Variants in PAX4 observed in about 807,000 individuals in gnomAD.
PAX4 encodes paired box protein Pax-4.
PAX4 carries 33 observed loss-of-function variants against 40.6 expected under a neutral mutation model. The observed-to-expected ratio is 0.81, with a 90% confidence interval of 0.62 to 1.09. The LOEUF (loss-of-function observed/expected upper bound fraction) is 1.09. PAX4 is among the 50% of genes least tolerant of loss of function. The probability of loss-of-function intolerance (pLI) is 0.00; values close to 1 mark genes in which losing one functional copy is unlikely to be tolerated. For synonymous variants in PAX4, 174 were observed against 170.6 expected, an observed-to-expected ratio of 1.02 and a Z score of -0.16; for missense variants, 459 against 442.5, an observed-to-expected ratio of 1.04 and a Z score of -0.33.
chr7:127,612,144 T>C, intron 9 of PAX4, 144 bp from the exon 10 acceptor site: 2 of 772,350 alleles, frequency 2.6e-6, no homozygotes, highest in Non-Finnish European at 4.4e-6. Context: ...ATGGATATTT[T>C]AACCCAAAAC....
In PAX4 at chr7:127,615,524, G is replaced by T; in HGVS notation, c.21C>A (p.Ser7Arg). Residue 7 changes from serine (S) to arginine (R), a missense_variant, in exon 4 of 12, where the codon AGC becomes AGA. Ser to Arg is a moderately radical substitution (Grantham distance 110). Coordinates refer to ENST00000639438, the MANE Select transcript of PAX4 (RefSeq NM_001366110.1). ...AGAGCCCCCCAAGCTGGTTCATGCTGCTGATCCCTGGGCGTGAGACAGAGG... is the reference window on the plus strand; with the variant it reads ...AGAGCCCCCCAAGCTGGTTCATGCTTCTGATCCCTGGGCGTGAGACAGAGG... MHQDGI[S>R]SMNQLGGLFV... is the part of the protein sequence containing the mutation. The T allele has an allele frequency of 6.2e-7, 1 of 1,614,036 alleles. No homozygotes were observed. Among genetic ancestry groups the T allele is most frequent in the South Asian group, 1.1e-5 (1 of 91,080 alleles).
rs954807196 is a variant in PAX4 at position 127,611,271 on chromosome 7, G to A, written c.914-65C>T. On this transcript the variant is annotated intron_variant, in intron 11 of 11. Coordinates refer to ENST00000639438, the MANE Select transcript of PAX4 (RefSeq NM_001366110.1). ...CACCCCACCTCTCAAAGTCACTATGGGAGAGAGGCTGAGACATCAGTTTCC... is the reference window on the plus strand; with the variant it reads ...CACCCCACCTCTCAAAGTCACTATGAGAGAGAGGCTGAGACATCAGTTTCC... 5 of 1,440,986 alleles carry A rather than the reference G, an allele frequency of 3.5e-6. No homozygotes were observed. The African/African-American group carries it at 5.6e-5, about 16-fold the overall frequency. The allele number at this position is 1,440,986 out of a possible 1,614,324, so 89.3% of individuals were successfully genotyped here.
At chr7:127,613,388 A>T in intron 8 of PAX4, 62 bp downstream of exon 8, 2 of 1,533,098 alleles carry the variant, frequency 1.3e-6, no homozygotes, top group East Asian at 4.5e-5. Flanking sequence ...TGGAACCCAA[A>T]GCCCTGGCCG....
Position 127,610,662 on chromosome 7 carries a change from A to G in PAX4, c.*402T>C, listed in dbSNP as rs327519. 0.029 allele frequency: 17,043 copies of G among 596,872 alleles called. 1,570 individuals are homozygous for G. Among genetic ancestry groups the G allele is most frequent in the African/African-American group, 0.23 (12,419 of 53,850 alleles). 37.0% of individuals were successfully genotyped at this position (596,872 alleles called of 1,614,324 possible). A position where few individuals can be genotyped will look rare whatever the true frequency, so the allele number is the denominator to read the frequency against. The stretch of plus-strand genomic sequence containing the variant: ...ATTGACAAATACATTGTTTAGATAC[A>G]TGTATTGCCTACATACATGCATAGA... On this transcript the variant is annotated 3_prime_UTR_variant, in exon 12 of 12. Coordinates refer to ENST00000639438, the MANE Select transcript of PAX4 (RefSeq NM_001366110.1).
chr7:127,613,450 C>T lies in PAX4; in HGVS notation c.645G>A (p.Arg215=). 6.2e-7 allele frequency: 1 copy of T among 1,614,006 alleles called. No homozygotes were observed. The highest frequency in any genetic ancestry group is 1.1e-5 in the South Asian group (1 of 91,078). ...GTACAGTGTTGCAGAGCTCACTCACCCTCACCGTGTCCTCAGGCAGAGAGG... is the reference window on the plus strand; with the variant it reads ...GTACAGTGTTGCAGAGCTCACTCACTCTCACCGTGTCCTCAGGCAGAGAGG... ...TATSLPEDTV[R]VWFSNRRAKW... The change falls in exon 8 of 12, where the codon AGG becomes AGA. Residue 215 remains arginine (R), a splice_region_variant and synonymous_variant. Transcript: ENST00000639438.
chr7:127,616,223 C>A (rs327515), intron 2 of PAX4, among the ~76,000 whole-genome samples, 196 bp from the exon 3 acceptor site: 7,849 of 152,214 alleles, frequency 0.052, 584 homozygotes, highest in African/African-American at 0.16. Context: ...CTGGATCTTT[C>A]TTGAAGTCCT....
At chr7:127,611,262 G>A in intron 11 of PAX4, 56 bp from the exon 12 acceptor site, 1 of 1,473,614 alleles carries the variant, frequency 6.8e-7, no homozygotes, top group South Asian at 1.2e-5. Flanking sequence ...ACCTCTCAAA[G>A]TCACTATGGG....
Position 127,615,480 on chromosome 7 carries a change from AG to A in PAX4, c.64del (p.Leu22CysfsTer12). 1.2e-6 allele frequency: 2 copies of A among 1,614,196 alleles called. No individual in the cohort carries two copies. On this transcript the variant is annotated frameshift_variant, in exon 4 of 12. Transcript: ENST00000639438. LOFTEE classifies it high-confidence loss of function. ...LGGLFVNGRPLPLDTRQQIVR... is the reference protein window; with the variant it reads ...LGGLFVNGRPXPLDTRQQIVR... ...AATCTGCTGCCGGGTATCCAGAGGC[AG>A]GGGCCGGCCATTCACAAAGAGCCCC...
intron 11 of PAX4, among the ~76,000 whole-genome samples, 159 bp from the exon 12 acceptor site, chr7:127,611,365 T>C (rs1296258940): frequency 3.3e-5 from 5 of 152,146 alleles, no homozygotes; most frequent in African/African-American, 1.2e-4. Flanking sequence ...AGTGATACCA[T>C]AGACTCAGGG....
Position 127,612,037 on chromosome 7 carries a change from T to C in PAX4, c.716-37A>G, listed in dbSNP as rs372038294. The C allele has an allele frequency of 6.2e-6, 10 of 1,606,042 alleles. No homozygotes were observed. The Admixed American group carries it at 1.2e-4, about 19-fold the overall frequency. On this transcript the variant is annotated intron_variant, in intron 9 of 11. Transcript: ENST00000639438. The stretch of plus-strand genomic sequence containing the variant: ...GAGTGAATCCACTCAGAAGGAGGAA[T>C]TGGGGTTAGGGACGGGAGGAGTGTG...
At chr7:127,613,197 TG>T in intron 8 of PAX4, 106 bp from the exon 9 acceptor site, 1 of 993,886 alleles carries the variant, frequency 1.0e-6, no homozygotes. Flanking sequence ...GACCCTTCCT[TG>T]GGCCTGACAT....
In PAX4 at chr7:127,614,555, G is replaced by A. The variant is rs1287647998; in HGVS notation, c.363C>T (p.Val121=). The part of the protein sequence containing the change: ...GLCTQDKTPS[V]SSINRVLRAL... ...CCCGCAGGACTCGGTTGATGGAGGAGACCTGGGAGTGTCAGGGTGTTGAGT... is the reference window on the plus strand; with the variant it reads ...CCCGCAGGACTCGGTTGATGGAGGAAACCTGGGAGTGTCAGGGTGTTGAGT... The change falls in exon 6 of 12, where the codon GTC becomes GTT. Residue 121 remains valine (V), a splice_region_variant and synonymous_variant. Coordinates refer to ENST00000639438, the MANE Select transcript of PAX4 (RefSeq NM_001366110.1). 1 of 1,590,076 alleles carries A rather than the reference G, an allele frequency of 6.3e-7. No homozygotes were observed. Among genetic ancestry groups the A allele is most frequent in the South Asian group, 1.1e-5 (1 of 87,148 alleles).
chr7:127,613,496 C>A lies in PAX4; in HGVS notation c.599G>T (p.Arg200Leu). The change falls in exon 8 of 12, where the codon CGT (arginine) becomes CTT (leucine). Residue 200 changes from arginine (R) to leucine (L), a missense_variant. Physicochemically the swap from Arg to Leu is moderately radical, Grantham distance 102. Coordinates refer to ENST00000639438, the MANE Select transcript of PAX4 (RefSeq NM_001366110.1). ...QRGQYPDSVA[R>L]GKLATATSLP... The stretch of plus-strand genomic sequence containing the variant: ...AGAGGTGGCAGTAGCCAGCTTTCCA[C>A]GGGCCACTGAATCAGGATACTGCCC... 1 of 1,614,166 alleles carries A rather than the reference C, an allele frequency of 6.2e-7. No individual in the cohort carries two copies. Among genetic ancestry groups the A allele is most frequent in the Non-Finnish European group, 8.5e-7 (1 of 1,180,024 alleles).
rs1266721124 is a variant in PAX4, at chr7:127,615,941, C to T, written c.-13G>A. ...CGTCCTGATGCATGCTCCAGGCTGA[C>T]CCTCCTCAGAAGGATGAGACTCCAG... is the stretch of plus-strand genomic sequence containing the variant. On this transcript the variant is annotated 5_prime_UTR_variant, in exon 3 of 12. Coordinates refer to ENST00000639438, the MANE Select transcript of PAX4 (RefSeq NM_001366110.1). 5 of 1,535,988 alleles carry T rather than the reference C, an allele frequency of 3.3e-6. No individual in the cohort carries two copies. Among genetic ancestry groups the T allele is most frequent in the Non-Finnish European group, 4.4e-6 (5 of 1,146,928 alleles).
In PAX4 at chr7:127,613,450, C is replaced by G; in HGVS notation, c.645G>C (p.Arg215Ser). Residue 215 changes from arginine to serine, a missense_variant and splice_region_variant, in exon 8 of 12, where the codon AGG becomes AGC. By Grantham distance (110) the Arg-to-Ser change is moderately radical. Coordinates refer to ENST00000639438, the MANE Select transcript of PAX4 (RefSeq NM_001366110.1). ...GTACAGTGTTGCAGAGCTCACTCAC[C>G]CTCACCGTGTCCTCAGGCAGAGAGG... ...TATSLPEDTV[R>S]VWFSNRRAKW... is the part of the protein sequence containing the mutation. 5 of 1,614,006 alleles carry G rather than the reference C, an allele frequency of 3.1e-6. No individual in the cohort carries two copies. The highest frequency in any genetic ancestry group is 3.4e-6 in the Non-Finnish European group (4 of 1,179,870).
At position 127,611,735 on chromosome 7, in the gene PAX4, G is replaced by A. The variant is rs1392488227; in HGVS notation, c.772-59C>T. On this transcript the variant is annotated intron_variant, in intron 10 of 11. Coordinates refer to ENST00000639438, the MANE Select transcript of PAX4 (RefSeq NM_001366110.1). ...TCCAGTGATGCCTCCTGTAGAGAAC[G>A]CCGGGACCCCAGAGCTGCCTGCCAC... The A allele has an allele frequency of 9.4e-6, 15 of 1,603,008 alleles. 1 individual carries two copies. The highest frequency in any genetic ancestry group is 4.4e-5 in the South Asian group (4 of 90,964).
intron 11 of PAX4, 52 bp from the exon 12 acceptor site, chr7:127,611,258 C>A: frequency 6.7e-7 from 1 of 1,494,440 alleles, no homozygotes; most frequent in East Asian, 2.4e-5. Flanking sequence ...CCCCACCTCT[C>A]AAAGTCACTA....
In PAX4 at chr7:127,617,981, T is replaced by A. The variant is rs1213874400; in HGVS notation, c.-245A>T. 6.6e-6 allele frequency: 1 copy of A among 151,904 alleles called. No homozygotes were observed. Among genetic ancestry groups the A allele is most frequent in the African/African-American group, 2.4e-5 (1 of 41,306 alleles). The allele number at this position is 151,904 out of a possible 1,614,324, so 9.4% of individuals were successfully genotyped here. A position where few individuals can be genotyped will look rare whatever the true frequency, so the allele number is the denominator to read the frequency against. ...AGCTACCTGTGTGGAGGAAATGAGGTGGGAGCTTCAGTGGGAGGTCTCAGC... is the reference window on the plus strand; with the variant it reads ...AGCTACCTGTGTGGAGGAAATGAGGAGGGAGCTTCAGTGGGAGGTCTCAGC... On this transcript the variant is annotated 5_prime_UTR_variant, in exon 1 of 12. Coordinates refer to ENST00000639438, the MANE Select transcript of PAX4 (RefSeq NM_001366110.1).
intron 9 of PAX4, among the ~76,000 whole-genome samples, chr7:127,612,698 G>C (rs1464582242): frequency 2.0e-5 from 3 of 150,688 alleles, no homozygotes; most frequent in Admixed American, 2.0e-4. Flanking sequence ...TGAATGGATG[G>C]ATGGATAGAT....
Sources: allele counts gnomAD v4.1 joint callset (sites outside exome capture counted in the v4.1 genomes callset), GRCh38; gene constraint gnomAD v4.1.1; transcripts MANE v1.5; gene names NCBI Gene and HGNC (gene_info 2026-07-23, HGNC 2026-07-21).